TNKS: variants seen among roughly 807,000 people sequenced by gnomAD.
TNKS encodes poly [ADP-ribose] polymerase tankyrase-1.
TNKS carries 72 observed loss-of-function variants against 135.8 expected under a neutral mutation model. That is an observed-to-expected ratio of 0.53 (90% CI 0.44 to 0.64). The LOEUF (loss-of-function observed/expected upper bound fraction) is 0.64. Ranked by LOEUF, TNKS falls within the 30% of genes least tolerant of loss-of-function variation. The pLI, the probability that TNKS is intolerant of heterozygous loss-of-function variation, is 0.00. For missense variants in TNKS, 1,769 were observed against 1,674.0 expected (o/e 1.06, Z -0.99); for synonymous variants, 849 against 649.3 (o/e 1.31, Z -4.68).
chr8:9,700,950 T>G (rs1384320939), intron 5 of TNKS, among the ~76,000 whole-genome samples: 1 of 151,380 alleles, frequency 6.6e-6, no homozygotes, highest in Non-Finnish European at 1.5e-5. Context: ...TTTTTTTTTT[T>G]TGAGACGGAG....
chr8:9,778,083 A>G lies in TNKS; in HGVS notation c.*1347A>G, dbSNP rs1414667965. The G allele has an allele frequency of 6.6e-6, 1 of 152,518 alleles. No homozygotes were observed. The highest frequency in any genetic ancestry group is 1.5e-5 in the Non-Finnish European group (1 of 68,008). 9.4% of individuals were successfully genotyped at this position (152,518 alleles called of 1,614,324 possible). ...GAAGGTGAGAAAGAAATACCATACAATTTTCTTTGTGAAATTACTGTTTAT... is the reference window on the plus strand; with the variant it reads ...GAAGGTGAGAAAGAAATACCATACAGTTTTCTTTGTGAAATTACTGTTTAT... On this transcript the variant is annotated 3_prime_UTR_variant, in exon 27 of 27. Coordinates refer to ENST00000310430, the MANE Select transcript of TNKS (RefSeq NM_003747.3).
At chr8:9,677,961 C>G (rs1441107530) in intron 3 of TNKS, among the ~76,000 whole-genome samples, 9 of 152,162 alleles carry the variant, frequency 5.9e-5, no homozygotes, top group Non-Finnish European at 1.2e-4. Context: ...AGTTTCCCCT[C>G]TTCCAGGAAG....
chr8:9,680,827 T>A (rs769311397), intron 5 of TNKS, 27 bp downstream of exon 5: 1 of 1,579,440 alleles, frequency 6.3e-7, no homozygotes, highest in East Asian at 2.2e-5. Flanking sequence ...ACAATCCTCT[T>A]TAATTGCAAT....
intron 2 of TNKS, among the ~76,000 whole-genome samples, chr8:9,607,985 G>A (rs866426737): frequency 2.3e-4 from 35 of 150,048 alleles, no homozygotes; most frequent in African/African-American, 7.1e-4. Flanking sequence ...TGTCATTCAA[G>A]TTGGAGTGCA....
chr8:9,773,260 C>A (rs539926832), intron 26 of TNKS, among the ~76,000 whole-genome samples: 2 of 151,932 alleles, frequency 1.3e-5, no homozygotes, highest in African/African-American at 4.8e-5. Context: ...ATTTAAACAA[C>A]CTAAATATTA....
At chr8:9,692,600 A>G (rs927529258) in intron 5 of TNKS, among the ~76,000 whole-genome samples, 2 of 152,174 alleles carry the variant, frequency 1.3e-5, no homozygotes, top group Non-Finnish European at 2.9e-5. Flanking sequence ...GACCAGAGAG[A>G]AAGACTCGTA....
chr8:9,720,205 A>C (rs762106224), intron 11 of TNKS, among the ~76,000 whole-genome samples, 169 bp from the exon 12 acceptor site: 3 of 152,258 alleles, frequency 2.0e-5, no homozygotes, highest in Non-Finnish European at 2.9e-5. Context: ...GGTAACTAAA[A>C]AGAAGATAGT....
intron 3 of TNKS, among the ~76,000 whole-genome samples, chr8:9,639,054 T>G (rs1311691397): frequency 6.6e-6 from 1 of 152,172 alleles, no homozygotes; most frequent in Non-Finnish European, 1.5e-5. Flanking sequence ...TTAAATTAAC[T>G]TTCTTCCTGT....
intron 3 of TNKS, among the ~76,000 whole-genome samples, chr8:9,622,385 C>T (rs1329470218): frequency 6.6e-6 from 1 of 152,152 alleles, no homozygotes; most frequent in Non-Finnish European, 1.5e-5. Flanking sequence ...CGCCTGAATC[C>T]TCCTTTGATC....
chr8:9,673,880 A>T (rs1449950996), intron 3 of TNKS, among the ~76,000 whole-genome samples: 1 of 152,176 alleles, frequency 6.6e-6, no homozygotes, highest in Non-Finnish European at 1.5e-5. Context: ...TTTCTTTTAA[A>T]AAAATGTTGT....
intron 5 of TNKS, among the ~76,000 whole-genome samples, chr8:9,688,045 A>T (rs1803090175): frequency 6.6e-6 from 1 of 152,198 alleles, no homozygotes; most frequent in South Asian, 2.1e-4. Flanking sequence ...CTTCTGTGGT[A>T]TTGCCGATGT....
At chr8:9,558,453 G>C (rs561515707) in intron 1 of TNKS, 2 of 152,130 alleles carry the variant, frequency 1.3e-5, no homozygotes, top group African/African-American at 4.8e-5. Context: ...ATCAACAGAG[G>C]TGTCTACTTT....
chr8:9,569,176 A>C (rs1173173920), intron 1 of TNKS, among the ~76,000 whole-genome samples: 1 of 152,184 alleles, frequency 6.6e-6, no homozygotes, highest in Non-Finnish European at 1.5e-5. Context: ...ATTGGGAACA[A>C]ATACCGTTTG....
chr8:9,643,257 G>A (rs1341878332), intron 3 of TNKS, among the ~76,000 whole-genome samples: 2 of 145,952 alleles, frequency 1.4e-5, no homozygotes, highest in Non-Finnish European at 3.0e-5. Context: ...GATTTATAAA[G>A]AAAAGAAGTT....
chr8:9,742,964 G>T (rs1806045398), intron 17 of TNKS, among the ~76,000 whole-genome samples: 1 of 151,994 alleles, frequency 6.6e-6, no homozygotes, highest in Non-Finnish European at 1.5e-5. Flanking sequence ...TGATAAATCT[G>T]TGTATCTTTC....
chr8:9,614,885 T>G (rs1799582240), intron 2 of TNKS, among the ~76,000 whole-genome samples: 1 of 152,180 alleles, frequency 6.6e-6, no homozygotes, highest in African/African-American at 2.4e-5. Flanking sequence ...CCTCCATATT[T>G]AAGAATTCCC....
At chr8:9,575,299 AT>A in intron 1 of TNKS, 1 of 692,514 alleles carries the variant, frequency 1.4e-6, no homozygotes, top group Non-Finnish European at 1.8e-6. Flanking sequence ...GTTAGCTAGG[AT>A]GGTCTCGATT....
rs765390457 is a variant in TNKS, at chr8:9,751,707, C to G, written c.2931C>G (p.Ile977Met). 1.2e-6 allele frequency: 2 copies of G among 1,614,220 alleles called. No individual in the cohort carries two copies. The highest frequency in any genetic ancestry group is 2.2e-5 in the South Asian group (2 of 91,090). ...CTACTGTAGTGAGTGCCTCTCTGAT[C>G]TCACCAGCATCCACCCCCTCCTGCC... ...PQATVVSASL[I>M]SPASTPSCLS... Residue 977 changes from isoleucine to methionine, a missense_variant, in exon 19 of 27, where the codon ATC (isoleucine) becomes ATG (methionine). Ile to Met is a conservative substitution (Grantham distance 10, BLOSUM62 1). Around this residue, in one of 5 missense-constraint regions of TNKS, gnomAD observed 722 missense variants for 688.9 expected, o/e 1.05. Transcript: ENST00000310430.
chr8:9,727,116 TG>T (rs1244462129), intron 13 of TNKS, among the ~76,000 whole-genome samples: 5 of 152,200 alleles, frequency 3.3e-5, no homozygotes, highest in Non-Finnish European at 4.4e-5. Flanking sequence ...GGATGACATT[TG>T]AAAGAATATT....
Sources: gnomAD v4.1 joint callset for allele counts (sites outside exome capture counted in the v4.1 genomes callset) on GRCh38, gnomAD v4.1.1 for gene constraint, gnomAD v4.1.1 regional missense constraint, MANE v1.5 for transcripts, NCBI Gene and HGNC (gene_info 2026-07-23, HGNC 2026-07-21) for gene names.